FBN2: variants seen among roughly 807,000 people sequenced by gnomAD.
FBN2 encodes fibrillin-2.
Under a neutral mutation model 355.6 loss-of-function variants are expected in FBN2, and 105 were observed. The ratio of observed to expected loss-of-function variants is 0.30; its 90% confidence interval spans 0.25 to 0.35. The LOEUF (loss-of-function observed/expected upper bound fraction) is 0.35. FBN2 is among the 10% of genes least tolerant of loss of function. The pLI is 1.00. For missense variants in FBN2, 3,280 were observed against 3,758.7 expected (o/e 0.87, Z 3.33); for synonymous variants, 1,350 against 1,301.2 (o/e 1.04, Z -0.81).
chr5:128,447,152 G>A (rs989732454), intron 6 of FBN2, among the ~76,000 whole-genome samples: 4 of 152,050 alleles, frequency 2.6e-5, no homozygotes, highest in South Asian at 2.1e-4. Context: ...TTGCGTTAAC[G>A]GCACAAATTG....
intron 5 of FBN2, among the ~76,000 whole-genome samples, chr5:128,478,388 A>AT (rs1435651539): frequency 6.6e-6 from 1 of 152,218 alleles, no homozygotes; most frequent in African/African-American, 2.4e-5. Flanking sequence ...GTATAAAAGC[A>AT]TTTTCAGAAA....
At chr5:128,436,325 T>C (rs1305739950) in intron 7 of FBN2, among the ~76,000 whole-genome samples, 1 of 152,204 alleles carries the variant, frequency 6.6e-6, no homozygotes, top group Admixed American at 6.5e-5. Context: ...CATGGGCTTC[T>C]AAAAATCAGA....
At chr5:128,429,873 A>T (rs2127028749) in intron 7 of FBN2, among the ~76,000 whole-genome samples, 1 of 152,322 alleles carries the variant, frequency 6.6e-6, no homozygotes, top group East Asian at 1.9e-4. Context: ...AAATTTTTAC[A>T]GTATGGTTTC....
intron 20 of FBN2, 150 bp downstream of exon 20, chr5:128,357,124 ACC>A (rs1751520772): frequency 1.1e-6 from 1 of 904,568 alleles, no homozygotes; most frequent in South Asian, 1.5e-5. Context: ...ATTATGTTTT[ACC>A]TCTATATTGA....
chr5:128,484,780 C>T (rs1755291189), intron 5 of FBN2, among the ~76,000 whole-genome samples: 1 of 152,108 alleles, frequency 6.6e-6, no homozygotes, highest in African/African-American at 2.4e-5. Flanking sequence ...TGGTAAAGCC[C>T]AAGGTCAATG....
chr5:128,302,928 G>A (rs1180899735), intron 46 of FBN2, 45 bp downstream of exon 46: 1 of 1,067,598 alleles, frequency 9.4e-7, no homozygotes. Flanking sequence ...AGCACATTGT[G>A]TGGAAATGAA....
intron 6 of FBN2, among the ~76,000 whole-genome samples, chr5:128,449,439 AATTATATAGTATACT>A (rs1309442637): frequency 1.4e-5 from 2 of 140,656 alleles, no homozygotes; most frequent in Non-Finnish European, 3.1e-5. Flanking sequence ...TATACTGTAT[AATTATATAGTATACT>A]ATATAATAGT....
At chr5:128,454,301 G>A (rs766417081) in intron 6 of FBN2, among the ~76,000 whole-genome samples, 2 of 152,160 alleles carry the variant, frequency 1.3e-5, no homozygotes, top group Non-Finnish European at 2.9e-5. Context: ...GTTAGAAGAA[G>A]AGGAATATTC....
intron 23 of FBN2, among the ~76,000 whole-genome samples, chr5:128,348,095 GAAT>G (rs1273588494): frequency 1.3e-5 from 2 of 152,062 alleles, no homozygotes; most frequent in African/African-American, 2.4e-5. Flanking sequence ...CCATAATTTT[GAAT>G]AATGTTATTG....
At chr5:128,294,276 T>G (rs1211227022) in intron 48 of FBN2, among the ~76,000 whole-genome samples, 10 of 151,996 alleles carry the variant, frequency 6.6e-5, no homozygotes, top group East Asian at 1.9e-4. Context: ...TTTGCTATTG[T>G]GAATAATGCC....
chr5:128,449,442 TA>T (rs1446518749), intron 6 of FBN2, among the ~76,000 whole-genome samples: 1 of 140,374 alleles, frequency 7.1e-6, no homozygotes, highest in African/African-American at 2.7e-5. Flanking sequence ...ACTGTATAAT[TA>T]TATAGTATAC....
chr5:128,464,644 C>A (rs1001306190), intron 6 of FBN2, 80 bp downstream of exon 6: 15 of 1,439,428 alleles, frequency 1.0e-5, no homozygotes, highest in Middle Eastern at 2.4e-4. Flanking sequence ...AAGCTACCAT[C>A]CAGTGCCAGA....
intron 5 of FBN2, among the ~76,000 whole-genome samples, chr5:128,500,427 A>ATTT (rs1312943529): frequency 9.3e-6 from 1 of 107,516 alleles, no homozygotes; most frequent in Non-Finnish European, 1.9e-5. Context: ...GACTCTGACA[A>ATTT]TTCTTTTTTT....
intron 48 of FBN2, among the ~76,000 whole-genome samples, chr5:128,299,483 G>A (rs980060473): frequency 3.3e-5 from 5 of 149,530 alleles, no homozygotes; most frequent in African/African-American, 1.2e-4. Context: ...GACTCCATGG[G>A]CATAGGACCC....
intron 62 of FBN2, among the ~76,000 whole-genome samples, chr5:128,267,582 CT>C (rs1313319321): frequency 6.6e-6 from 1 of 151,970 alleles, no homozygotes; most frequent in Non-Finnish European, 1.5e-5. Context: ...GTGATGTGAG[CT>C]TTTTTTCATA....
intron 3 of FBN2, among the ~76,000 whole-genome samples, chr5:128,529,529 T>C (rs913427911): frequency 5.9e-5 from 9 of 152,180 alleles, no homozygotes; most frequent in Non-Finnish European, 1.3e-4. Flanking sequence ...AATGCACAGA[T>C]TCCCTGCTAA....
At chr5:128,282,432 T>C (rs999499790) in intron 55 of FBN2, among the ~76,000 whole-genome samples, 1 of 152,180 alleles carries the variant, frequency 6.6e-6, no homozygotes, top group Non-Finnish European at 1.5e-5. Context: ...TTTTGAATTG[T>C]ATTTGATTTG....
At chr5:128,320,315 A>C (rs1750335598) in intron 34 of FBN2, among the ~76,000 whole-genome samples, 2 of 151,922 alleles carry the variant, frequency 1.3e-5, no homozygotes, top group African/African-American at 4.8e-5. Flanking sequence ...CCTGGGCTCA[A>C]GCAATCCTCC....
intron 46 of FBN2, among the ~76,000 whole-genome samples, chr5:128,302,141 A>G (rs982710302): frequency 2.0e-5 from 3 of 152,164 alleles, no homozygotes; most frequent in Admixed American, 1.3e-4. Context: ...TGGAATTTTG[A>G]AAAATAAAGA....
Sources: gnomAD v4.1 joint callset for allele counts (sites outside exome capture counted in the v4.1 genomes callset) on GRCh38, gnomAD v4.1.1 for gene constraint, MANE v1.5 for transcripts, NCBI Gene and HGNC (gene_info 2026-07-23, HGNC 2026-07-21) for gene names.